The following GALNS variants were observed in gnomAD, a reference collection of about 807,000 sequenced individuals.
GALNS encodes galactosamine (N-acetyl)-6-sulfatase.
Under a neutral mutation model 65.9 loss-of-function variants are expected in GALNS, and 65 were observed. The ratio of observed to expected loss-of-function variants is 0.99; its 90% confidence interval spans 0.81 to 1.21. The LOEUF is 1.21. GALNS is among the 50% of genes most tolerant of loss of function. The pLI is 0.00. For synonymous variants in GALNS, 346 were observed against 288.9 expected, an observed-to-expected ratio of 1.20 and a Z score of -2.00; for missense variants, 776 against 700.7, an observed-to-expected ratio of 1.11 and a Z score of -1.21.
At chr16:88,841,758 C>G (rs1027956270) in intron 3 of GALNS, 139 bp downstream of exon 3, 94 of 779,370 alleles carry the variant, frequency 1.2e-4, no homozygotes, top group Non-Finnish European at 1.9e-4. Context: ...GCACTTCCAC[C>G]TAAGTCCCAG....
chr16:88,818,294 G>C (rs2142983406), intron 12 of GALNS, among the ~76,000 whole-genome samples, 170 bp from the exon 13 acceptor site: 1 of 152,320 alleles, frequency 6.6e-6, no homozygotes, highest in South Asian at 2.1e-4. Context: ...GCTAGGACAG[G>C]CAGCAGGCAC....
chr16:88,827,429 C>T (rs974935356), intron 9 of GALNS, among the ~76,000 whole-genome samples: 2 of 152,192 alleles, frequency 1.3e-5, no homozygotes, highest in Admixed American at 1.3e-4. Flanking sequence ...CCCTCAGTGG[C>T]CCTGTCTGCT....
At chr16:88,854,102 C>T (rs1426600537) in intron 1 of GALNS, among the ~76,000 whole-genome samples, 2 of 152,184 alleles carry the variant, frequency 1.3e-5, no homozygotes, top group Non-Finnish European at 2.9e-5. Context: ...GGGCTGGAGG[C>T]AGCCGGTCCC....
intron 13 of GALNS, chr16:88,816,034 C>G (rs758142094): frequency 1.5e-5 from 15 of 985,272 alleles, no homozygotes; most frequent in Non-Finnish European, 3.6e-6. Context: ...AGGCTTCACA[C>G]GCGTGTCTGT....
In GALNS at chr16:88,842,779, C is replaced by T. The variant is rs373639234; in HGVS notation, c.171G>A (p.Pro57=). The change falls in exon 2 of 14, where the codon CCG becomes CCA. Residue 57 remains proline (P), a synonymous_variant. Transcript: ENST00000268695. The stretch of plus-strand genomic sequence containing the variant: ...CTTCTGCAGCCATCCGGTCCAAATT[C>T]GGGGTCTCTCTGGAGGGCTCTCCAT... ...GVYGEPSRET[P]NLDRMAAEGL... The T allele has an allele frequency of 6.2e-5, 100 of 1,613,124 alleles. No homozygotes were observed. The highest frequency in any genetic ancestry group is 6.1e-5 in the Non-Finnish European group (72 of 1,179,870).
intron 1 of GALNS, among the ~76,000 whole-genome samples, chr16:88,854,088 G>C (rs184980385): frequency 6.6e-5 from 10 of 152,376 alleles, no homozygotes; most frequent in Admixed American, 6.5e-4. Context: ...GATAGGGGGA[G>C]ACTGGGCTGG....
chr16:88,836,694 A>G (rs1364533549), intron 5 of GALNS, among the ~76,000 whole-genome samples: 1 of 150,958 alleles, frequency 6.6e-6, no homozygotes, highest in East Asian at 1.9e-4. Context: ...TGAAATGTCC[A>G]CTCAGGGAAC....
intron 13 of GALNS, among the ~76,000 whole-genome samples, chr16:88,817,721 C>T (rs1037817745): frequency 3.3e-5 from 5 of 152,204 alleles, no homozygotes; most frequent in East Asian, 1.9e-4. Flanking sequence ...AGGAGAGGGG[C>T]CTTGGAGCTC....
At chr16:88,820,796 C>T (rs923139681) in intron 12 of GALNS, among the ~76,000 whole-genome samples, 2 of 152,218 alleles carry the variant, frequency 1.3e-5, no homozygotes, top group Non-Finnish European at 2.9e-5. Flanking sequence ...GAGGGGGCAC[C>T]GCCATCCAGG....
chr16:88,817,400 G>C, intron 13 of GALNS: 1 of 985,468 alleles, frequency 1.0e-6, no homozygotes, highest in African/African-American at 1.7e-5. Flanking sequence ...GCACGGAGGT[G>C]CTGCTCTGGG....
intron 5 of GALNS, among the ~76,000 whole-genome samples, chr16:88,836,501 A>C (rs977593369): frequency 1.3e-5 from 2 of 152,168 alleles, no homozygotes; most frequent in African/African-American, 4.8e-5. Context: ...TAAAAATACA[A>C]AAATTAGCTG....
chr16:88,851,741 G>A (rs772014760), intron 1 of GALNS, among the ~76,000 whole-genome samples: 11 of 152,146 alleles, frequency 7.2e-5, no homozygotes, highest in Non-Finnish European at 1.2e-4. Flanking sequence ...TCATGCCCAC[G>A]GAGCCTTGCT....
chr16:88,832,719 G>C (rs1378912899), intron 8 of GALNS, among the ~76,000 whole-genome samples: 1 of 152,202 alleles, frequency 6.6e-6, no homozygotes, highest in Non-Finnish European at 1.5e-5. Flanking sequence ...TGTAGCCTGA[G>C]CCACTTGAGG....
At chr16:88,817,393 C>T (rs986182127) in intron 13 of GALNS, 30 of 985,302 alleles carry the variant, frequency 3.0e-5, no homozygotes, top group African/African-American at 5.2e-5. Flanking sequence ...TCAGGCTGCA[C>T]GGAGGTGCTG....
At chr16:88,847,347 G>T (rs896451288) in intron 1 of GALNS, among the ~76,000 whole-genome samples, 1 of 152,072 alleles carries the variant, frequency 6.6e-6, no homozygotes, top group Non-Finnish European at 1.5e-5. Context: ...GTCCAGCCTA[G>T]GTAACAGACA....
intron 1 of GALNS, among the ~76,000 whole-genome samples, chr16:88,851,540 C>A (rs982265247): frequency 1.3e-5 from 2 of 152,068 alleles, no homozygotes; most frequent in Non-Finnish European, 2.9e-5. Context: ...GAGGGTGAGC[C>A]GAAGCAGGGT....
chr16:88,855,663 ATTG>A (rs756745742), intron 1 of GALNS: 15 of 599,634 alleles, frequency 2.5e-5, no homozygotes, highest in East Asian at 8.3e-5. Context: ...ATTTAATAAA[ATTG>A]TTAAGTGAGA....
intron 12 of GALNS, among the ~76,000 whole-genome samples, chr16:88,820,818 G>C (rs376736171): frequency 1.9e-4 from 29 of 152,218 alleles, no homozygotes; most frequent in African/African-American, 6.8e-4. Flanking sequence ...TTTAACCTCG[G>C]GTGGTCCCTG....
At chr16:88,817,858 G>A (rs1014527922) in intron 13 of GALNS, 149 bp downstream of exon 13, 14 of 749,368 alleles carry the variant, frequency 1.9e-5, no homozygotes, top group African/African-American at 1.0e-4. Context: ...ACGCCGCCGC[G>A]TGTGCTCTGA....
Sources: gnomAD v4.1 joint callset for allele counts (sites outside exome capture counted in the v4.1 genomes callset) on GRCh38, gnomAD v4.1.1 for gene constraint, MANE v1.5 for transcripts, NCBI Gene and HGNC (gene_info 2026-07-23, HGNC 2026-07-21) for gene names.